Variants in PRRC2A observed in about 807,000 individuals in gnomAD.
The protein encoded by PRRC2A is protein PRRC2A.
In PRRC2A, 59 loss-of-function variants were observed where a neutral mutation model predicts 224.6. The ratio of observed to expected loss-of-function variants is 0.26; its 90% CI spans 0.21 to 0.33. The LOEUF is 0.33. PRRC2A is among the 10% of genes least tolerant of loss of function. The pLI, the probability that PRRC2A is intolerant of heterozygous loss-of-function variation, is 1.00. For synonymous variants in PRRC2A, 1,194 were observed against 1,109.5 expected, an observed-to-expected ratio of 1.08 and a Z score of -1.51; for missense variants, 3,095 against 2,880.7, an observed-to-expected ratio of 1.07 and a Z score of -1.70.
chr6:31,624,987 G>T, intron 5 of PRRC2A, 184 bp from the exon 6 acceptor site: 1 of 659,048 alleles, frequency 1.5e-6, no homozygotes, highest in Non-Finnish European at 2.6e-6. Context: ...TTTTAGTAGA[G>T]ATGGGGTTTC....
At position 31,636,222 on chromosome 6, in the gene PRRC2A, T is replaced by C. The variant is rs769170351; in HGVS notation, c.5638T>C (p.Tyr1880His). 10 of 1,612,420 alleles carry C rather than the reference T, an allele frequency of 6.2e-6. No individual in the cohort carries two copies. Among genetic ancestry groups the C allele is most frequent in the Non-Finnish European group, 8.5e-6 (10 of 1,179,334 alleles). The part of the protein sequence containing the change: ...SLHPYRSQPL[Y>H]LPPGPAPPSA... ...ATTTATTTTCAGATCACAGCCCCTA[T>C]ACCTACCCCCCGGCCCAGCCCCTCC... Residue 1880 changes from tyrosine to histidine, a missense_variant, in exon 26 of 31, where the codon TAC (tyrosine) becomes CAC (histidine). Tyr to His is a moderately conservative substitution (Grantham distance 83). Transcript: ENST00000376033. This position sits in a 1 kb window ranked among gnomAD's most constrained non-coding sequence, Gnocchi z 4.3.
In PRRC2A at chr6:31,637,213, TA is replaced by T; in HGVS notation, c.6243-20del. ...CAGGGTCTGGATCCTAGGCTTGCCT[TA>T]GACGCCCTTCTTCCCTTAGGTCCTT... On this transcript the variant is annotated intron_variant, in intron 29 of 30. Coordinates refer to ENST00000376033, the MANE Select transcript of PRRC2A (RefSeq NM_004638.4). 1 of 1,606,974 alleles carries T rather than the reference TA, an allele frequency of 6.2e-7. No homozygotes were observed. The highest frequency in any genetic ancestry group is 8.5e-7 in the Non-Finnish European group (1 of 1,174,520).
chr6:31,632,261 A>G lies in PRRC2A; in HGVS notation c.3588A>G (p.Lys1196=). The G allele has an allele frequency of 2.5e-6, 4 of 1,612,248 alleles. No individual in the cohort carries two copies. The highest frequency in any genetic ancestry group is 1.1e-5 in the South Asian group (1 of 91,052). The change falls in exon 16 of 31, where the codon AAA becomes AAG. Residue 1196 remains lysine, a synonymous_variant. Transcript: ENST00000376033. ...SPPAKSLAPK[K]PPTGPLPPSK... The stretch of plus-strand genomic sequence containing the variant: ...CAGCCAAGTCTCTGGCTCCCAAGAA[A>G]CCTCCCACAGGCCCTTTGCCACCAA...
rs775822610 is a variant in PRRC2A, at chr6:31,625,132, A to G, written c.464-39A>G. 3.1e-6 allele frequency: 5 copies of G among 1,590,890 alleles called. No homozygotes were observed. The South Asian group carries it at 4.5e-5, about 14-fold the overall frequency. ...CACTTTTATAGCATGTCCTCAGGAAATGTCTTCTGTCTCCTGTTCTGCATC... is the reference window on the plus strand; with the variant it reads ...CACTTTTATAGCATGTCCTCAGGAAGTGTCTTCTGTCTCCTGTTCTGCATC... On this transcript the variant is annotated intron_variant, in intron 5 of 30. Transcript: ENST00000376033. This position sits in a 1 kb window ranked among gnomAD's most constrained non-coding sequence, Gnocchi z 4.1.
Position 31,634,259 on chromosome 6 carries a change from C to T in PRRC2A, c.4743C>T (p.Ser1581=), listed in dbSNP as rs755537930. ...LQEESLPPPH[S]SGFLGSKPEG... ...AGGAATCTTTGCCACCTCCTCATAG[C>T]TCTGGATTCTTGGGCTCTAAGCCTG... Residue 1581 remains serine, a synonymous_variant, in exon 19 of 31, where the codon AGC becomes AGT. Coordinates refer to ENST00000376033, the MANE Select transcript of PRRC2A (RefSeq NM_004638.4). 1 of 1,592,772 alleles carries T rather than the reference C, an allele frequency of 6.3e-7. No individual in the cohort carries two copies. The highest frequency in any genetic ancestry group is 1.1e-5 in the South Asian group (1 of 88,576).
rs1261217479 is a variant in PRRC2A, at chr6:31,636,949, A to G, written c.6147+4A>G. On this transcript the variant is annotated splice_donor_region_variant and intron_variant, in intron 28 of 30. Coordinates refer to ENST00000376033, the MANE Select transcript of PRRC2A (RefSeq NM_004638.4). The surrounding 1 kb of genome is among the most constrained non-coding windows in gnomAD (Gnocchi z 4.3). ...CGCTAGCTTGGGGCGAGCAGAGGTA[A>G]GGTACAGGAACTGAGGGGCTAGGGA... 1 of 1,612,562 alleles carries G rather than the reference A, an allele frequency of 6.2e-7. No individual in the cohort carries two copies. The highest frequency in any genetic ancestry group is 8.5e-7 in the Non-Finnish European group (1 of 1,179,720).
Position 31,626,974 on chromosome 6 carries a change from G to T in PRRC2A, c.1074-8G>T, listed in dbSNP as rs1775979794. ...CTGATTTTAATTTCACTGTTGATCT[G>T]CTCACAGCAGGGATTCCCAATCAGC... is the stretch of plus-strand genomic sequence containing the variant. On this transcript the variant is annotated splice_polypyrimidine_tract_variant and splice_region_variant and intron_variant, in intron 10 of 30. Transcript: ENST00000376033. The T allele has an allele frequency of 6.2e-7, 1 of 1,614,060 alleles. No individual in the cohort carries two copies. The highest frequency in any genetic ancestry group is 1.3e-5 in the African/African-American group (1 of 74,912).
chr6:31,624,838 A>T (rs1438894319), intron 5 of PRRC2A: 16 of 504,236 alleles, frequency 3.2e-5, no homozygotes, highest in Admixed American at 1.4e-4. Context: ...TCATTCTGTC[A>T]CCCAGGCTGG....
chr6:31,621,278 A>C, intron 1 of PRRC2A, among the ~76,000 whole-genome samples: 1 of 147,896 alleles, frequency 6.8e-6, no homozygotes, highest in Non-Finnish European at 1.5e-5. Flanking sequence ...CCCTCCTATC[A>C]TCCAGCGCTG....
chr6:31,636,606 C>G lies in PRRC2A; in HGVS notation c.5932C>G (p.Gln1978Glu), dbSNP rs1777378735. The change falls in exon 27 of 31, where the codon CAG (glutamine) becomes GAG (glutamate). Residue 1978 changes from glutamine (Q) to glutamate (E), a missense_variant and splice_region_variant. By Grantham distance (29) the Gln-to-Glu change is conservative. This residue lies in a region of PRRC2A where 662 missense variants were observed against 609.5 expected (regional missense o/e 1.09). Transcript: ENST00000376033. This position sits in a 1 kb window ranked among gnomAD's most constrained non-coding sequence, Gnocchi z 4.3. Reference sequence around the variant, plus strand: ...TCTCCCTTCAGGGGCTCCTGCCCAGCAGGTATATTGTATCTTCACACTTCC... The same window carrying G: ...TCTCCCTTCAGGGGCTCCTGCCCAGGAGGTATATTGTATCTTCACACTTCC... ...GFLPSGAPAQ[Q>E]MLLPMVDSQL... 3 of 1,599,452 alleles carry G rather than the reference C, an allele frequency of 1.9e-6. No homozygotes were observed. Among genetic ancestry groups the G allele is most frequent in the South Asian group, 1.1e-5 (1 of 88,912 alleles).
rs770934126 is a variant in PRRC2A at position 31,632,870 on chromosome 6, T to C, written c.4197T>C (p.Pro1399=). The C allele has an allele frequency of 4.7e-5, 75 of 1,612,834 alleles. No homozygotes were observed. The African/African-American group carries it at 6.0e-4, about 13-fold the overall frequency. Residue 1399 remains proline (P), a synonymous_variant, in exon 16 of 31, where the codon CCT becomes CCC. Transcript: ENST00000376033. ...GCATGGAACGGCAGAATCGGCGCCC[T>C]GGCCCAGGGGGCAAGGCTGGCAGCA... The part of the protein sequence containing the change: ...RPGMERQNRR[P]GPGGKAGSSG...
At position 31,631,228 on chromosome 6, in the gene PRRC2A, C is replaced by T; in HGVS notation, c.2555C>T (p.Ser852Phe). 3 of 1,610,164 alleles carry T rather than the reference C, an allele frequency of 1.9e-6. No individual in the cohort carries two copies. The highest frequency in any genetic ancestry group is 2.5e-6 in the Non-Finnish European group (3 of 1,179,004). ...PENGAPGPPISRFPLEEPGPR... is the reference protein window; with the variant it reads ...PENGAPGPPIFRFPLEEPGPR... The stretch of plus-strand genomic sequence containing the variant: ...AATGGAGCCCCTGGGCCCCCAATCT[C>T]TCGCTTTCCTCTGGAGGAACCAGGG... Residue 852 changes from serine (S) to phenylalanine (F), a missense_variant, in exon 16 of 31, where the codon TCT becomes TTT. Ser to Phe is a radical substitution (Grantham distance 155). Coordinates refer to ENST00000376033, the MANE Select transcript of PRRC2A (RefSeq NM_004638.4). The surrounding 1 kb of genome is among the most constrained non-coding windows in gnomAD (Gnocchi z 4.5).
At position 31,625,456 on chromosome 6, in the gene PRRC2A, A is replaced by G. The variant is rs1265719974; in HGVS notation, c.608-4A>G. 2 of 1,599,960 alleles carry G rather than the reference A, an allele frequency of 1.3e-6. No homozygotes were observed. Among genetic ancestry groups the G allele is most frequent in the East Asian group, 2.2e-5 (1 of 44,590 alleles). ...TACCTCTCTCTACCTTTTCCAAAAT[A>G]CAGATTCTACAACTTGGAGGGACGG... is the stretch of plus-strand genomic sequence containing the variant. On this transcript the variant is annotated splice_polypyrimidine_tract_variant and splice_region_variant and intron_variant, in intron 6 of 30. Coordinates refer to ENST00000376033, the MANE Select transcript of PRRC2A (RefSeq NM_004638.4). The surrounding 1 kb of genome is among the most constrained non-coding windows in gnomAD (Gnocchi z 4.1).
rs763982275 is a variant in PRRC2A at position 31,635,597 on chromosome 6, C to G, written c.5389C>G (p.Arg1797Gly). ...TCCTTCCCAGGCCATTCCTGTATCACGAGACTGGGAGCTGCTTCCCAGTGC... is the reference window on the plus strand; with the variant it reads ...TCCTTCCCAGGCCATTCCTGTATCAGGAGACTGGGAGCTGCTTCCCAGTGC... ...ASVTEAIPVSRDWELLPSAAA... is the reference protein window; with the variant it reads ...ASVTEAIPVSGDWELLPSAAA... The change falls in exon 24 of 31, where the codon CGA becomes GGA. Residue 1797 changes from arginine to glycine, a missense_variant. Transcript: ENST00000376033. 6.2e-7 allele frequency: 1 copy of G among 1,610,856 alleles called. No individual in the cohort carries two copies. The highest frequency in any genetic ancestry group is 1.7e-5 in the Admixed American group (1 of 59,864).
In PRRC2A at chr6:31,620,803, A is replaced by T. The variant is rs1244613964; in HGVS notation, c.-156A>T. 6.6e-6 allele frequency: 1 copy of T among 152,188 alleles called. No individual in the cohort carries two copies. The highest frequency in any genetic ancestry group is 1.5e-5 in the Non-Finnish European group (1 of 67,996). The allele number at this position is 152,188 out of a possible 1,614,324, so 9.4% of individuals were successfully genotyped here. ...CGCCATCCTCCCCCGCCCCACCGCC[A>T]TCCCGTCCCGGGGAGCCCCTAGGCC... On this transcript the variant is annotated 5_prime_UTR_variant, in exon 1 of 31. Transcript: ENST00000376033.
chr6:31,629,540 T>A lies in PRRC2A; in HGVS notation c.1957-8T>A. 1 of 1,531,292 alleles carries A rather than the reference T, an allele frequency of 6.5e-7. No individual in the cohort carries two copies. Among genetic ancestry groups the A allele is most frequent in the South Asian group, 1.1e-5 (1 of 89,566 alleles). 94.9% of individuals were successfully genotyped at this position (1,531,292 alleles called of 1,614,324 possible). On this transcript the variant is annotated splice_polypyrimidine_tract_variant and splice_region_variant and intron_variant, in intron 13 of 30. Transcript: ENST00000376033. ...GCCTCTCTCATCTTGTCTTTCCTCC[T>A]TTCCTAGGAGCAGCTCCTGAAGCAG...
In PRRC2A at chr6:31,633,599, C is replaced by T. The variant is rs1447949880; in HGVS notation, c.4540C>T (p.Pro1514Ser). ...PQAPQGPSPR[P>S]PTRYEPQRVN... ...AGCCCCTCAGGGCCCCTCTCCTAGG[C>T]CCCCAACCCGATACGAGCCCCAGAG... The change falls in exon 17 of 31, where the codon CCC becomes TCC. Residue 1514 changes from proline to serine, a missense_variant. By Grantham distance (74) the Pro-to-Ser change is moderately conservative. Transcript: ENST00000376033. 6.2e-7 allele frequency: 1 copy of T among 1,612,666 alleles called. No individual in the cohort carries two copies. Among genetic ancestry groups the T allele is most frequent in the Non-Finnish European group, 8.5e-7 (1 of 1,179,732 alleles).
intron 20 of PRRC2A, 73 bp from the exon 21 acceptor site, chr6:31,634,680 G>C: frequency 6.4e-7 from 1 of 1,565,302 alleles, no homozygotes; most frequent in Non-Finnish European, 8.8e-7. Context: ...TCTGCAGTTT[G>C]TATGTGTGCA....
intron 14 of PRRC2A, among the ~76,000 whole-genome samples, chr6:31,630,068 G>GC (rs1468511764): frequency 6.6e-6 from 1 of 152,212 alleles, no homozygotes; most frequent in Non-Finnish European, 1.5e-5. Context: ...TGTAATCCCA[G>GC]CACTTAGGGA....
Sources: allele counts gnomAD v4.1 joint callset (sites outside exome capture counted in the v4.1 genomes callset), GRCh38; gene constraint gnomAD v4.1.1; regional missense constraint gnomAD v4.1.1; non-coding constraint Gnocchi (gnomAD v3.1); transcripts MANE v1.5; gene names NCBI Gene and HGNC (gene_info 2026-07-23, HGNC 2026-07-21).